Variants in HS6ST2 observed in about 807,000 individuals in gnomAD.
The protein encoded by HS6ST2 is heparan sulfate 6-O-sulfotransferase 2.
In HS6ST2, 17 loss-of-function variants were observed where a neutral mutation model predicts 33.0. The observed-to-expected ratio is 0.52, with a 90% CI of 0.35 to 0.77. The LOEUF is 0.77. HS6ST2 is among the 30% of genes least tolerant of loss of function. HS6ST2 has a pLI of 0.01. For missense variants in HS6ST2, 519 were observed against 551.7 expected, an observed-to-expected ratio of 0.94 and a Z score of 0.59; for synonymous variants, 248 against 237.1, an observed-to-expected ratio of 1.05 and a Z score of -0.42.
At chrX:132,919,295 C>T (rs761336844) in intron 2 of HS6ST2, among the ~76,000 whole-genome samples, 2 of 111,996 alleles carry the variant, frequency 1.8e-5, no homozygotes, top group Admixed American at 9.5e-5. Context: ...AGATGAGATG[C>T]GATTTTCAAA....
intron 2 of HS6ST2, among the ~76,000 whole-genome samples, chrX:132,723,006 T>G (rs1368208858): frequency 9.0e-6 from 1 of 110,569 alleles, no homozygotes; most frequent in Admixed American, 9.6e-5. Context: ...TTCCAACTGA[T>G]AGTGGAAAAA....
chrX:132,946,186 A>G (rs974828380), intron 2 of HS6ST2, among the ~76,000 whole-genome samples: 2 of 111,879 alleles, frequency 1.8e-5, no homozygotes, highest in Admixed American at 1.9e-4. Context: ...TCTGTAAACT[A>G]GTTCAACCAT....
At chrX:132,767,303 C>T (rs757887349) in intron 2 of HS6ST2, among the ~76,000 whole-genome samples, 12 of 112,008 alleles carry the variant, frequency 1.1e-4, no homozygotes, top group African/African-American at 1.6e-4. Context: ...ACTGTAGCCT[C>T]GACTTCCAGT....
At chrX:132,757,894 TCTGA>T (rs1388626886) in intron 2 of HS6ST2, among the ~76,000 whole-genome samples, 1 of 111,339 alleles carries the variant, frequency 9.0e-6, no homozygotes, top group Non-Finnish European at 1.9e-5. Flanking sequence ...CAGAATGGAG[TCTGA>T]TTTTTCATAA....
rs2065941120 is a variant in HS6ST2, at chrX:132,864,002, G to A, written c.947+92806C>T. Among the ~76,000 whole-genome samples, 8 of 111,406 alleles carry A rather than the reference G, an allele frequency of 7.2e-5. No homozygotes were observed. The South Asian group carries it at 3.1e-3, about 44-fold the overall frequency. On this transcript the variant is annotated intron_variant, in intron 2 of 4. Coordinates refer to ENST00000370833, the MANE Select transcript of HS6ST2 (RefSeq NM_001394073.1). ...AGCAAACTCCAGCAGGCCTGCAGCA[G>A]AGGGGCCTGACTGTCAGAAGGAAAA...
In HS6ST2 at chrX:132,732,264, G is replaced by A. The variant is rs770001728; in HGVS notation, c.948-23770C>T. Among the ~76,000 whole-genome samples, 5 of 111,642 alleles carry A rather than the reference G, an allele frequency of 4.5e-5. No individual in the cohort carries two copies. In the East Asian group the frequency reaches 1.1e-3, roughly 25 times the overall value. On this transcript the variant is annotated intron_variant, in intron 2 of 4. Coordinates refer to ENST00000370833, the MANE Select transcript of HS6ST2 (RefSeq NM_001394073.1). ...CCAGGCTCATGCATCATGAATCAAG[G>A]TTGCCTTTATCAAAGCTAAAAAGGT...
chrX:132,876,432 A>G (rs1332463797), intron 2 of HS6ST2, among the ~76,000 whole-genome samples: 2 of 112,075 alleles, frequency 1.8e-5, no homozygotes, highest in Non-Finnish European at 3.8e-5. Flanking sequence ...TGGAGACAGA[A>G]TAACAGCTTA....
intron 2 of HS6ST2, among the ~76,000 whole-genome samples, chrX:132,830,737 C>T (rs1602725883): frequency 9.0e-6 from 1 of 111,570 alleles, no homozygotes; most frequent in Non-Finnish European, 1.9e-5. Context: ...CTTTATGAGG[C>T]CTCCTTCAAA....
At chrX:132,917,178 T>C (rs1034718096) in intron 2 of HS6ST2, among the ~76,000 whole-genome samples, 3 of 111,708 alleles carry the variant, frequency 2.7e-5, no homozygotes, top group East Asian at 5.6e-4. Context: ...CTGGGGAACA[T>C]AGTTTGAAAA....
chrX:132,824,985 AAAC>A (rs2065502663), intron 2 of HS6ST2, among the ~76,000 whole-genome samples: 1 of 85,198 alleles, frequency 1.2e-5, no homozygotes, highest in South Asian at 4.2e-4. Context: ...TAGAAAGCTA[AAAC>A]AACTACTTAG....
intron 4 of HS6ST2, among the ~76,000 whole-genome samples, chrX:132,639,594 T>C (rs2063586513): frequency 9.0e-6 from 1 of 111,528 alleles, no homozygotes. Context: ...ACTTTCCTTC[T>C]AGGAACTCCT....
chrX:132,632,936 C>T (rs770901463), intron 4 of HS6ST2, among the ~76,000 whole-genome samples: 7 of 108,819 alleles, frequency 6.4e-5, no homozygotes, highest in Admixed American at 9.9e-5. Context: ...AATTAGTGGG[C>T]GTGGTGGTGC....
At chrX:132,684,634 A>G (rs2064001782) in intron 3 of HS6ST2, among the ~76,000 whole-genome samples, 1 of 110,878 alleles carries the variant, frequency 9.0e-6, no homozygotes, top group South Asian at 3.8e-4. Flanking sequence ...ACCTTGTACC[A>G]TTGCATTTGG....
intron 2 of HS6ST2, among the ~76,000 whole-genome samples, chrX:132,838,499 T>C (rs2065667931): frequency 8.9e-6 from 1 of 112,012 alleles, no homozygotes; most frequent in Non-Finnish European, 1.9e-5. Context: ...TTATAAATTA[T>C]AGTATCTGAA....
At chrX:132,663,385 C>A (rs1321934647) in intron 4 of HS6ST2, among the ~76,000 whole-genome samples, 2 of 111,939 alleles carry the variant, frequency 1.8e-5, no homozygotes, top group Non-Finnish European at 3.8e-5. Flanking sequence ...AAAGATCTCA[C>A]ACTATTCTGG....
chrX:132,848,369 T>C (rs2065772192), intron 2 of HS6ST2, among the ~76,000 whole-genome samples: 1 of 112,641 alleles, frequency 8.9e-6, no homozygotes, highest in African/African-American at 3.2e-5. Flanking sequence ...GGACGAAGCT[T>C]GGCATCAGCC....
intron 2 of HS6ST2, among the ~76,000 whole-genome samples, chrX:132,835,004 T>A (rs1187077754): frequency 8.9e-6 from 1 of 111,946 alleles, no homozygotes; most frequent in African/African-American, 3.2e-5. Context: ...ATGTTCAGAA[T>A]TCATTTCTCC....
intron 2 of HS6ST2, chrX:132,907,616 C>T (rs1027351166): frequency 9.8e-5 from 11 of 111,762 alleles, no homozygotes; most frequent in African/African-American, 3.6e-4. Flanking sequence ...CAACCTCATA[C>T]TCACCTCACT....
At chrX:132,850,940 TCTA>T (rs959065011) in intron 2 of HS6ST2, among the ~76,000 whole-genome samples, 8 of 112,168 alleles carry the variant, frequency 7.1e-5, no homozygotes, top group Non-Finnish European at 1.3e-4. Context: ...TGACTATTGT[TCTA>T]CTAACCTAAC....
Sources: gnomAD v4.1 joint callset for allele counts (sites outside exome capture counted in the v4.1 genomes callset) on GRCh38, gnomAD v4.1.1 for gene constraint, MANE v1.5 for transcripts, NCBI Gene and HGNC (gene_info 2026-07-23, HGNC 2026-07-21) for gene names.